Variants in ACTR3C observed in about 807,000 individuals in gnomAD.
ACTR3C encodes the protein actin-related protein 3C.
In ACTR3C, 18 loss-of-function variants were observed where a neutral mutation model predicts 26.3. The observed-to-expected ratio is 0.68, with a 90% CI of 0.47 to 1.01. The LOEUF (loss-of-function observed/expected upper bound fraction) is 1.01. ACTR3C is among the 50% of genes least tolerant of loss of function. ACTR3C has a pLI of 0.00. For synonymous variants in ACTR3C, 55 were observed against 94.5 expected (o/e 0.58, Z 2.42); for missense variants, 184 against 250.7 (o/e 0.73, Z 1.80).
chr7:149,938,489 T>A, the ACTR3C span, among the ~76,000 whole-genome samples: 1 of 151,934 alleles, frequency 6.6e-6, no homozygotes, highest in African/African-American at 2.4e-5. Context: ...AGCAATTAAA[T>A]GAATGGTAGC....
chr7:149,969,681 A>G, the ACTR3C span, among the ~76,000 whole-genome samples: 1 of 152,172 alleles, frequency 6.6e-6, no homozygotes, highest in Non-Finnish European at 1.5e-5. Context: ...TACAGCAATC[A>G]TTGGAATTAG....
At chr7:149,893,479 T>C in the ACTR3C span, among the ~76,000 whole-genome samples, 1 of 152,338 alleles carries the variant, frequency 6.6e-6, no homozygotes, top group East Asian at 1.9e-4. Flanking sequence ...TGCACACTAT[T>C]TTATTAAATC....
chr7:150,204,575 A>C, the ACTR3C span, among the ~76,000 whole-genome samples: 1 of 152,090 alleles, frequency 6.6e-6, no homozygotes, highest in Non-Finnish European at 1.5e-5. Flanking sequence ...ATCCAGAGAG[A>C]CCCATCACCA....
chr7:150,198,751 G>A, the ACTR3C span, among the ~76,000 whole-genome samples: 8 of 135,688 alleles, frequency 5.9e-5, no homozygotes, highest in African/African-American at 6.4e-5. Context: ...CGGGAGGGAG[G>A]TGGGGGGGGG....
At chr7:150,124,245 A>G in the ACTR3C span, among the ~76,000 whole-genome samples, 1 of 152,216 alleles carries the variant, frequency 6.6e-6, no homozygotes, top group East Asian at 1.9e-4. Flanking sequence ...ATGTTTCAAT[A>G]GAAGTTGCAG....
Position 150,293,243 on chromosome 7 carries a change from T to A in ACTR3C, c.153+69A>T, listed in dbSNP as rs1399378285. 88 of 1,320,228 alleles carry A rather than the reference T, an allele frequency of 6.7e-5. 1 individual carries two copies. The highest frequency in any genetic ancestry group is 6.4e-5 in the South Asian group (4 of 62,872). 81.8% of individuals were successfully genotyped at this position (1,320,228 alleles called of 1,614,324 possible). A position where few individuals can be genotyped will look rare whatever the true frequency, so the allele number is the denominator to read the frequency against. On this transcript the variant is annotated intron_variant, in intron 3 of 7. Transcript: ENST00000683684. ...TTACAGAAGAGGTTTTTTTTTTTTT[T>A]AATTTCCATCCTTACCTCGAATCAG...
the ACTR3C span, among the ~76,000 whole-genome samples, chr7:150,114,561 T>C: frequency 6.6e-6 from 1 of 152,310 alleles, no homozygotes; most frequent in South Asian, 2.1e-4. Flanking sequence ...CGTGATTGCA[T>C]GAAATGTGTT....
chr7:150,164,776 A>C, the ACTR3C span, among the ~76,000 whole-genome samples: 1 of 152,168 alleles, frequency 6.6e-6, no homozygotes, highest in African/African-American at 2.4e-5. Flanking sequence ...TCTGGAATAC[A>C]GACAGAATTC....
chr7:150,025,000 G>C, the ACTR3C span, among the ~76,000 whole-genome samples: 2 of 152,068 alleles, frequency 1.3e-5, no homozygotes, highest in South Asian at 4.1e-4. Flanking sequence ...CCTCTGGAAA[G>C]GATGTTTGTC....
chr7:149,930,558 G>A, the ACTR3C span, among the ~76,000 whole-genome samples: 1 of 152,076 alleles, frequency 6.6e-6, no homozygotes, highest in Non-Finnish European at 1.5e-5. Context: ...CCTCAATGCA[G>A]CACATACCAC....
chr7:150,229,999 T>C, the ACTR3C span, among the ~76,000 whole-genome samples: 1 of 149,508 alleles, frequency 6.7e-6, no homozygotes, highest in Non-Finnish European at 1.5e-5. Flanking sequence ...CTGAGGCGGG[T>C]GGATCACTTG....
chr7:149,901,678 C>T, the ACTR3C span, among the ~76,000 whole-genome samples: 3 of 152,108 alleles, frequency 2.0e-5, no homozygotes, highest in East Asian at 5.8e-4. Context: ...CTTTGACAGA[C>T]TGAGGCAGGT....
chr7:150,291,107 T>C (rs1836216847), intron 3 of ACTR3C, among the ~76,000 whole-genome samples: 1 of 151,832 alleles, frequency 6.6e-6, no homozygotes, highest in African/African-American at 2.4e-5. Context: ...TGTGTGTGTG[T>C]GCATGCATGC....
chr7:149,993,478 A>G, the ACTR3C span, among the ~76,000 whole-genome samples: 33 of 152,174 alleles, frequency 2.2e-4, no homozygotes, highest in Non-Finnish European at 1.5e-5. Flanking sequence ...CCCACAAGGA[A>G]AACCCAGATG....
the ACTR3C span, among the ~76,000 whole-genome samples, chr7:150,172,975 G>T: frequency 0.67 from 98,462 of 147,266 alleles, 34,306 homozygotes; most frequent in East Asian, 0.83. Flanking sequence ...CCTGTCGCTT[G>T]GCAGGGTACA....
the ACTR3C span, among the ~76,000 whole-genome samples, chr7:150,035,993 G>A: frequency 4.5e-5 from 6 of 134,384 alleles, no homozygotes; most frequent in South Asian, 6.6e-4. Context: ...CCTGCCTCGC[G>A]GGGGGTGCCT....
chr7:150,148,852 C>A, the ACTR3C span, among the ~76,000 whole-genome samples: 6 of 151,810 alleles, frequency 4.0e-5, no homozygotes, highest in African/African-American at 1.5e-4. Context: ...CTGCAGCAAA[C>A]ATTCTTTTAT....
chr7:150,093,353 T>C, the ACTR3C span, among the ~76,000 whole-genome samples: 1 of 151,362 alleles, frequency 6.6e-6, no homozygotes. Context: ...ATTGTAAAAA[T>C]TAATTCACTT....
the ACTR3C span, among the ~76,000 whole-genome samples, chr7:150,139,055 C>T: frequency 3.3e-4 from 50 of 152,344 alleles, no homozygotes; most frequent in South Asian, 6.2e-4. Flanking sequence ...TTTCATTATA[C>T]GTTACAATGT....
Sources: allele counts gnomAD v4.1 joint callset (sites outside exome capture counted in the v4.1 genomes callset), GRCh38; gene constraint gnomAD v4.1.1; transcripts MANE v1.5; gene names NCBI Gene and HGNC (gene_info 2026-07-23, HGNC 2026-07-21).